Variants in ITIH2 observed in about 807,000 individuals in gnomAD.
ITIH2 encodes the protein inter-alpha-trypsin inhibitor heavy chain 2, also known as inter-alpha-trypsin inhibitor heavy chain H2.
In ITIH2, 103 loss-of-function variants were observed where a neutral mutation model predicts 104.4. The ratio of observed to expected loss-of-function variants is 0.99; its 90% CI spans 0.84 to 1.16. The LOEUF is 1.16. Among genes scored for constraint, ITIH2 ranks in the 50% most tolerant of loss-of-function variants. The pLI, the probability that ITIH2 is intolerant of heterozygous loss-of-function variation, is 0.00. For missense variants in ITIH2, 1,108 were observed against 1,162.4 expected (o/e 0.95, Z 0.68); for synonymous variants, 436 against 435.4 (o/e 1.00, Z -0.02).
rs979597773 is a variant in ITIH2 at position 7,735,241 on chromosome 10, G to T, written c.1957+150G>T. The T allele has an allele frequency of 2.5e-5, 16 of 647,892 alleles. No homozygotes were observed. In the African/African-American group the frequency reaches 2.9e-4, roughly 12 times the overall value. 40.1% of individuals were successfully genotyped at this position (647,892 alleles called of 1,614,324 possible). A position where few individuals can be genotyped will look rare whatever the true frequency, so the allele number is the denominator to read the frequency against. Reference sequence around the variant, plus strand: ...TGTGCCCAAGCTCTTCCTGCCAGCTGGGAGGAGGATGGATTATTGCTGTGG... The same window carrying T: ...TGTGCCCAAGCTCTTCCTGCCAGCTTGGAGGAGGATGGATTATTGCTGTGG... On this transcript the variant is annotated intron_variant, in intron 15 of 20. Coordinates refer to ENST00000358415, the MANE Select transcript of ITIH2 (RefSeq NM_002216.3).
rs887598207 is a variant in ITIH2, at chr10:7,723,708, C to A, written c.984+141C>A. 4.7e-6 allele frequency: 3 copies of A among 640,704 alleles called. No homozygotes were observed. The African/African-American group carries it at 5.5e-5, about 12-fold the overall frequency. 39.7% of individuals were successfully genotyped at this position (640,704 alleles called of 1,614,324 possible). ...TGGTTACAGACTGCCGGTGTCAACT[C>A]TTCCTAAAATTTTGCTATTATTGCA... is the stretch of plus-strand genomic sequence containing the variant. On this transcript the variant is annotated intron_variant, in intron 9 of 20. Transcript: ENST00000358415.
At chr10:7,747,572 T>C (rs1835191370) in intron 20 of ITIH2, among the ~76,000 whole-genome samples, 1 of 152,100 alleles carries the variant, frequency 6.6e-6, no homozygotes, top group South Asian at 2.1e-4. Context: ...ATGTTAATAG[T>C]AAGTTATCTG....
rs1246983685 is a variant in ITIH2, at chr10:7,709,029, T to C, written c.200T>C (p.Val67Ala). The change falls in exon 4 of 21, where the codon GTT (valine) becomes GCT (alanine). Residue 67 changes from valine (V) to alanine (A), a missense_variant. Val to Ala is a moderately conservative substitution (Grantham distance 64). Coordinates refer to ENST00000358415, the MANE Select transcript of ITIH2 (RefSeq NM_002216.3). Reference sequence around the variant, plus strand: ...CTTTCTTGCCAATTTCAGGAAGAGGTTGATCAAGTAACTCTTTATAGCTAT... The same window carrying C: ...CTTTCTTGCCAATTTCAGGAAGAGGCTGATCAAGTAACTCTTTATAGCTAT... Reference protein sequence around the residue: ...PGESEEMMEEVDQVTLYSYKV... With the variant: ...PGESEEMMEEADQVTLYSYKV... 6.2e-7 allele frequency: 1 copy of C among 1,613,738 alleles called. No individual in the cohort carries two copies. Among genetic ancestry groups the C allele is most frequent in the South Asian group, 1.1e-5 (1 of 91,044 alleles).
rs778958375 is a variant in ITIH2 at position 7,721,747 on chromosome 10, G to A, written c.837G>A (p.Val279=). ...VDGELVVLYD[V]KREEKAGELE... Reference sequence around the variant, plus strand: ...GGGAACTGGTGGTGCTGTATGACGTGAAAAGAGAAGAGAAGGCTGGTGAAC... The same window carrying A: ...GGGAACTGGTGGTGCTGTATGACGTAAAAAGAGAAGAGAAGGCTGGTGAAC... Residue 279 remains valine, a synonymous_variant, in exon 8 of 21, where the codon GTG becomes GTA. Coordinates refer to ENST00000358415, the MANE Select transcript of ITIH2 (RefSeq NM_002216.3). 2.5e-6 allele frequency: 4 copies of A among 1,614,022 alleles called. No homozygotes were observed. Among genetic ancestry groups the A allele is most frequent in the Non-Finnish European group, 2.5e-6 (3 of 1,179,976 alleles).
At chr10:7,731,711 T>G (rs1317757131) in intron 12 of ITIH2, 100 bp from the exon 13 acceptor site, 1 of 879,530 alleles carries the variant, frequency 1.1e-6, no homozygotes, top group Non-Finnish European at 1.7e-6. Flanking sequence ...GGCAACAGAG[T>G]GAGACATCGT....
intron 15 of ITIH2, among the ~76,000 whole-genome samples, chr10:7,735,674 C>CTTTTTTTTT (rs35122608): frequency 7.7e-6 from 1 of 130,552 alleles, no homozygotes; most frequent in African/African-American, 3.0e-5. Flanking sequence ...CTTTTCTTTT[C>CTTTTTTTTT]TTTTTTTTTT....
chr10:7,721,833 T>C, intron 8 of ITIH2, 56 bp downstream of exon 8: 1 of 1,595,728 alleles, frequency 6.3e-7, no homozygotes, highest in Admixed American at 1.7e-5. Context: ...GAGCTGCTCC[T>C]TTTTGAACAA....
chr10:7,738,740 C>A lies in ITIH2; in HGVS notation c.2077C>A (p.Pro693Thr), dbSNP rs1835096304. 1.2e-6 allele frequency: 2 copies of A among 1,611,048 alleles called. No individual in the cohort carries two copies. Among genetic ancestry groups the A allele is most frequent in the Non-Finnish European group, 1.7e-6 (2 of 1,178,654 alleles). The change falls in exon 16 of 21, where the codon CCC (proline) becomes ACC (threonine). Residue 693 changes from proline to threonine, a missense_variant. Transcript: ENST00000358415. ...QGSQVLESTP[P>T]PHVMRVENDP... Reference sequence around the variant, plus strand: ...ATCTCAGGTGCTAGAGTCCACGCCACCCCCACATGTGATGAGAGGTAACGC... The same window carrying A: ...ATCTCAGGTGCTAGAGTCCACGCCAACCCCACATGTGATGAGAGGTAACGC...
chr10:7,722,953 TGTGGA>T (rs559645497), intron 8 of ITIH2, among the ~76,000 whole-genome samples: 7,830 of 151,378 alleles, frequency 0.052, 249 homozygotes, highest in Admixed American at 0.076. Context: ...GACTGAGTGA[TGTGGA>T]GTGGAGTGGA....
rs143028400 is a variant in ITIH2 at position 7,740,730 on chromosome 10, T to A, written c.2095+1972T>A. 4.1e-3 allele frequency among the ~76,000 whole-genome samples: 626 copies of A among 152,310 alleles called. 9 individuals carry two copies. Among genetic ancestry groups the A allele is most frequent in the African/African-American group, 0.013 (555 of 41,560 alleles). Reference sequence around the variant, plus strand: ...CACATCTGCCCCATGACCTTGTCCATACACTGAAATCTCCCTAGGGCTCAA... The same window carrying A: ...CACATCTGCCCCATGACCTTGTCCAAACACTGAAATCTCCCTAGGGCTCAA... On this transcript the variant is annotated intron_variant, in intron 16 of 20. Transcript: ENST00000358415.
At chr10:7,710,254 G>A (rs1246668131) in intron 4 of ITIH2, among the ~76,000 whole-genome samples, 1 of 152,168 alleles carries the variant, frequency 6.6e-6, no homozygotes, top group Admixed American at 6.5e-5. Flanking sequence ...TGGTTTCATG[G>A]ACATCTCATA....
At position 7,709,042 on chromosome 10, in the gene ITIH2, T is replaced by C; in HGVS notation, c.213T>C (p.Thr71=). 1.2e-6 allele frequency: 2 copies of C among 1,613,954 alleles called. No homozygotes were observed. The highest frequency in any genetic ancestry group is 1.7e-6 in the Non-Finnish European group (2 of 1,179,832). ...TTCAGGAAGAGGTTGATCAAGTAACTCTTTATAGCTATAAAGTCCAGTCTA... is the reference window on the plus strand; with the variant it reads ...TTCAGGAAGAGGTTGATCAAGTAACCCTTTATAGCTATAAAGTCCAGTCTA... ...EEMMEEVDQV[T]LYSYKVQSTI... is the part of the protein sequence containing the mutation. The change falls in exon 4 of 21, where the codon ACT becomes ACC. Residue 71 remains threonine (T), a synonymous_variant. Transcript: ENST00000358415.
chr10:7,717,735 T>C lies in ITIH2; in HGVS notation c.577T>C (p.Ser193Pro). The C allele has an allele frequency of 6.2e-7, 1 of 1,613,142 alleles. No individual in the cohort carries two copies. Among genetic ancestry groups the C allele is most frequent in the Non-Finnish European group, 8.5e-7 (1 of 1,179,978 alleles). ...GGAGGTGAAGTGGAGGAAGCTGGGC[T>C]CCTATGAGCACAGGATCTATCTGCA... ...YQEVKWRKLG[S>P]YEHRIYLQPG... The change falls in exon 6 of 21, where the codon TCC becomes CCC. Residue 193 changes from serine (S) to proline (P), a missense_variant. Physicochemically the swap from Ser to Pro is moderately conservative, Grantham distance 74 (BLOSUM62 -1). Coordinates refer to ENST00000358415, the MANE Select transcript of ITIH2 (RefSeq NM_002216.3).
At chr10:7,741,893 A>T (rs1461916027) in intron 16 of ITIH2, among the ~76,000 whole-genome samples, 1 of 152,214 alleles carries the variant, frequency 6.6e-6, no homozygotes, top group Non-Finnish European at 1.5e-5. Flanking sequence ...CACTCAGAAT[A>T]AAATCTCTTC....
At position 7,740,881 on chromosome 10, in the gene ITIH2, T is replaced by G. The variant is rs562625417; in HGVS notation, c.2095+2123T>G. Among the ~76,000 whole-genome samples the G allele has an allele frequency of 2.0e-5, 3 of 152,338 alleles. No individual in the cohort carries two copies. In the South Asian group the frequency reaches 6.2e-4, roughly 32 times the overall value. On this transcript the variant is annotated intron_variant, in intron 16 of 20. Coordinates refer to ENST00000358415, the MANE Select transcript of ITIH2 (RefSeq NM_002216.3). ...CCATGAACCTCAGGTGCTAGGAATC[T>G]ATAACATTAGTCACGGAGGTCCTTG...
intron 15 of ITIH2, among the ~76,000 whole-genome samples, chr10:7,735,667 T>G (rs967970635): frequency 6.8e-6 from 1 of 147,010 alleles, no homozygotes; most frequent in Admixed American, 6.9e-5. Context: ...TTCTTTTCTT[T>G]TCTTTTCTTT....
chr10:7,725,831 G>A (rs911945206), intron 9 of ITIH2, among the ~76,000 whole-genome samples: 1 of 152,174 alleles, frequency 6.6e-6, no homozygotes, highest in African/African-American at 2.4e-5. Context: ...AGAATGCCGA[G>A]GAGTAGATGG....
intron 2 of ITIH2, 56 bp downstream of exon 2, chr10:7,705,238 A>G (rs1834735850): frequency 8.2e-7 from 1 of 1,219,288 alleles, no homozygotes; most frequent in African/African-American, 1.5e-5. Flanking sequence ...ATTATGGCAG[A>G]AGAAGACAAG....
At chr10:7,748,601 A>G (rs1835204088) in intron 20 of ITIH2, among the ~76,000 whole-genome samples, 1 of 117,580 alleles carries the variant, frequency 8.5e-6, no homozygotes, top group South Asian at 3.0e-4. Context: ...GAGTGCAGTG[A>G]CGTATCTTGG....
Sources: allele counts gnomAD v4.1 joint callset (sites outside exome capture counted in the v4.1 genomes callset), GRCh38; gene constraint gnomAD v4.1.1; transcripts MANE v1.5; gene names NCBI Gene and HGNC (gene_info 2026-07-23, HGNC 2026-07-21).